Variants in ERG observed in about 807,000 individuals in gnomAD.
The protein encoded by ERG is ETS transcription factor ERG.
ERG carries 9 observed loss-of-function variants against 55.3 expected under a neutral mutation model. The ratio of observed to expected loss-of-function variants is 0.16; its 90% confidence interval spans 0.10 to 0.28. The LOEUF is 0.28. Among genes scored for constraint, ERG ranks in the 10% least tolerant of loss-of-function variants. The probability of loss-of-function intolerance (pLI) is 1.00; values close to 1 mark genes in which losing one functional copy is unlikely to be tolerated. For missense variants in ERG, 434 were observed against 631.6 expected, an observed-to-expected ratio of 0.69 and a Z score of 3.35; for synonymous variants, 223 against 237.3, an observed-to-expected ratio of 0.94 and a Z score of 0.55.
chr21:38,604,542 G>A (rs571101396), intron 1 of ERG, among the ~76,000 whole-genome samples: 3 of 152,134 alleles, frequency 2.0e-5, no homozygotes, highest in Non-Finnish European at 4.4e-5. Flanking sequence ...AATTTCATGT[G>A]AATGTTATTA....
At chr21:38,523,944 C>T (rs747784569) in intron 2 of ERG, among the ~76,000 whole-genome samples, 5 of 152,098 alleles carry the variant, frequency 3.3e-5, no homozygotes, top group Non-Finnish European at 5.9e-5. Context: ...GGCAAGACTG[C>T]GATTTAAGAG....
chr21:38,482,704 A>C (rs1022682375), intron 1 of ERG, among the ~76,000 whole-genome samples: 5 of 151,892 alleles, frequency 3.3e-5, no homozygotes, highest in Non-Finnish European at 5.9e-5. Flanking sequence ...TTGAGATGGA[A>C]TCTCAGTCTG....
intron 3 of ERG, among the ~76,000 whole-genome samples, chr21:38,413,172 G>A (rs1277555666): frequency 6.6e-6 from 1 of 152,140 alleles, no homozygotes; most frequent in African/African-American, 2.4e-5. Flanking sequence ...ATAAGAATGT[G>A]CTGCTCTGCT....
intron 3 of ERG, among the ~76,000 whole-genome samples, chr21:38,408,020 T>C (rs17193829): frequency 0.014 from 2,178 of 152,110 alleles, 26 homozygotes; most frequent in East Asian, 0.028. Context: ...TTTGTTAATA[T>C]AGACTGCTTC....
Position 38,611,375 on chromosome 21 carries a change from G to A in ERG, c.-149-26430C>T, listed in dbSNP as rs547156723. On this transcript the variant is annotated intron_variant, in intron 1 of 10. Transcript: ENST00000398910. ...TGGGCTTCCCATCACACAGACCCAC[G>A]GCCCTTAGGGAACCTGGCAGCACCC... Among the ~76,000 whole-genome samples, 18 of 152,080 alleles carry A rather than the reference G, an allele frequency of 1.2e-4. 1 individual carries two copies. The highest frequency in any genetic ancestry group is 2.1e-4 in the Non-Finnish European group (14 of 67,994).
intron 3 of ERG, among the ~76,000 whole-genome samples, chr21:38,407,699 G>A (rs1197912194): frequency 7.0e-6 from 1 of 142,222 alleles, no homozygotes; most frequent in Non-Finnish European, 1.5e-5. Flanking sequence ...ATATGTGAAA[G>A]TATTTTTATA....
chr21:38,391,775 A>T (rs751440898), intron 7 of ERG, 60 bp from the exon 8 acceptor site: 1 of 1,285,180 alleles, frequency 7.8e-7, no homozygotes, highest in East Asian at 2.3e-5. Context: ...CTAGTCTTTG[A>T]TGTTGTTGCA....
intron 2 of ERG, among the ~76,000 whole-genome samples, chr21:38,442,601 C>G (rs2058852300): frequency 6.6e-6 from 1 of 152,050 alleles, no homozygotes. Flanking sequence ...GTCTTTCTTT[C>G]TTATAGACTG....
the ERG span, among the ~76,000 whole-genome samples, chr21:38,373,097 A>G: frequency 6.6e-6 from 1 of 152,170 alleles, no homozygotes; most frequent in Non-Finnish European, 1.5e-5. Context: ...GTAAAGGTAC[A>G]GGGATCCCTG....
chr21:38,580,631 TAAA>T, intron 1 of ERG, among the ~76,000 whole-genome samples: 1 of 151,546 alleles, frequency 6.6e-6, no homozygotes, highest in Admixed American at 6.6e-5. Flanking sequence ...TTGGGTATCT[TAAA>T]GAAACAAAAA....
At chr21:38,450,309 C>T (rs1050891857) in intron 1 of ERG, among the ~76,000 whole-genome samples, 2 of 151,850 alleles carry the variant, frequency 1.3e-5, no homozygotes, top group South Asian at 2.1e-4. Context: ...ACCCGGGAAG[C>T]GGAGGTTGCA....
downstream of ERG, among the ~76,000 whole-genome samples, chr21:38,375,189 G>A (rs1258288714): frequency 1.3e-5 from 2 of 152,140 alleles, no homozygotes; most frequent in Non-Finnish European, 2.9e-5. Flanking sequence ...AGCTGTTAAA[G>A]CAGCAAGGGC....
chr21:38,423,436 T>C lies in ERG; in HGVS notation c.362A>G (p.Asn121Ser), dbSNP rs2146502442. Residue 121 changes from asparagine to serine, a missense_variant, in exon 3 of 10, where the codon AAC becomes AGC. Around this residue, in one of 5 missense-constraint regions of ERG, gnomAD observed 212 missense variants for 262.9 expected, o/e 0.81. Coordinates refer to ENST00000288319, the MANE Select transcript of ERG (RefSeq NM_182918.4). The part of the protein sequence containing the change: ...KHMPPPNMTT[N>S]ERRVIVPADP... ...TGCTGGCACGATAACTCTGCGCTCGTTCGTGGTCATGTTTGGGGGTGGCAT... is the reference window on the plus strand; with the variant it reads ...TGCTGGCACGATAACTCTGCGCTCGCTCGTGGTCATGTTTGGGGGTGGCAT... The C allele has an allele frequency of 1.2e-6, 2 of 1,613,974 alleles. No individual in the cohort carries two copies. The highest frequency in any genetic ancestry group is 1.7e-6 in the Non-Finnish European group (2 of 1,179,934).
intron 1 of ERG, among the ~76,000 whole-genome samples, chr21:38,642,231 A>G (rs2060429606): frequency 6.6e-6 from 1 of 152,240 alleles, no homozygotes; most frequent in African/African-American, 2.4e-5. Context: ...CCCTTTGGGG[A>G]AAAACATGTG....
At chr21:38,562,037 C>T (rs1194126305) in intron 2 of ERG, among the ~76,000 whole-genome samples, 1 of 152,132 alleles carries the variant, frequency 6.6e-6, no homozygotes, top group African/African-American at 2.4e-5. Context: ...ATCTGGATAC[C>T]AGAATCTGAG....
intron 2 of ERG, among the ~76,000 whole-genome samples, chr21:38,444,668 G>A (rs2058872434): frequency 6.6e-6 from 1 of 151,594 alleles, no homozygotes; most frequent in African/African-American, 2.4e-5. Flanking sequence ...GACAAACTCA[G>A]GGAAGCTAAT....
intron 1 of ERG, among the ~76,000 whole-genome samples, chr21:38,629,492 C>A (rs2060344746): frequency 6.6e-6 from 1 of 152,144 alleles, no homozygotes; most frequent in East Asian, 1.9e-4. Context: ...AGGACATGAA[C>A]AGACATTTCT....
chr21:38,632,123 A>T (rs1408696628), intron 1 of ERG, among the ~76,000 whole-genome samples: 2 of 152,132 alleles, frequency 1.3e-5, no homozygotes, highest in Non-Finnish European at 2.9e-5. Flanking sequence ...AACCATCCAG[A>T]TGCAAATTCT....
At chr21:38,619,828 T>C (rs1314965893) in intron 1 of ERG, among the ~76,000 whole-genome samples, 1 of 152,266 alleles carries the variant, frequency 6.6e-6, no homozygotes, top group Non-Finnish European at 1.5e-5. Context: ...TAATTCGTCA[T>C]GGTTATTATG....
Sources: gnomAD v4.1 joint callset for allele counts (sites outside exome capture counted in the v4.1 genomes callset) on GRCh38, gnomAD v4.1.1 for gene constraint, gnomAD v4.1.1 regional missense constraint, MANE v1.5 for transcripts, NCBI Gene and HGNC (gene_info 2026-07-23, HGNC 2026-07-21) for gene names.